USP19: variants seen among roughly 807,000 people sequenced by gnomAD.
USP19 encodes the protein ubiquitin carboxyl-terminal hydrolase 19.
A neutral mutation model predicts 144.8 loss-of-function variants in USP19; 40 were observed. The ratio of observed to expected loss-of-function variants is 0.28; its 90% CI spans 0.21 to 0.36. The LOEUF is 0.36. Among genes scored for constraint, USP19 ranks in the 10% least tolerant of loss-of-function variants. The pLI is 1.00. For missense variants in USP19, 1,518 were observed against 1,822.5 expected (o/e 0.83, Z 3.04); for synonymous variants, 701 against 709.3 (o/e 0.99, Z 0.19).
chr3:49,108,549 A>G lies in USP19; in HGVS notation c.4039-21T>C. ...AGTCCCTGCAACAGAATACGAGGACAGGGGTTGGGGGCTGCCCAGCATGCC... is the reference window on the plus strand; with the variant it reads ...AGTCCCTGCAACAGAATACGAGGACGGGGGTTGGGGGCTGCCCAGCATGCC... On this transcript the variant is annotated intron_variant, in intron 26 of 26. Coordinates refer to ENST00000417901, the MANE Select transcript of USP19 (RefSeq NM_001199161.2). This position sits in a 1 kb window ranked among gnomAD's most constrained non-coding sequence, Gnocchi z 4.8. The G allele has an allele frequency of 3.3e-6, 4 of 1,223,430 alleles. No homozygotes were observed. The highest frequency in any genetic ancestry group is 4.2e-6 in the Non-Finnish European group (4 of 956,592). 75.8% of individuals were successfully genotyped at this position (1,223,430 alleles called of 1,614,324 possible).
rs141849414 is a variant in USP19, at chr3:49,114,418, A to C, written c.2293-134T>G. On this transcript the variant is annotated intron_variant, in intron 15 of 26. Coordinates refer to ENST00000417901, the MANE Select transcript of USP19 (RefSeq NM_001199161.2). This position sits in a 1 kb window ranked among gnomAD's most constrained non-coding sequence, Gnocchi z 4.5. ...GCCAACCAGCAAACTCTCAGGCTTC[A>C]GGACACTAGACAGGGCAGGAGGACC... is the stretch of plus-strand genomic sequence containing the variant. 5.2e-4 allele frequency: 401 copies of C among 773,284 alleles called. 4 individuals carry two copies. In the East Asian group the frequency reaches 0.01, roughly 20 times the overall value. 47.9% of individuals were successfully genotyped at this position (773,284 alleles called of 1,614,324 possible). A position where few individuals can be genotyped will look rare whatever the true frequency, so the allele number is the denominator to read the frequency against.
chr3:49,115,862 G>C lies in USP19; in HGVS notation c.1554C>G (p.Pro518=), dbSNP rs1270696603. The change falls in exon 11 of 27, where the codon CCC becomes CCG. Residue 518 remains proline, a synonymous_variant. Transcript: ENST00000417901. The surrounding 1 kb of genome is among the most constrained non-coding windows in gnomAD (Gnocchi z 6.6). The part of the protein sequence containing the change: ...DSTPPGGAPH[P]LTGQEEARAV... Reference sequence around the variant, plus strand: ...CCCGGGCCTCCTCCTGGCCTGTCAGGGGGTGGGGAGCACCTCCTGGTGGGG... The same window carrying C: ...CCCGGGCCTCCTCCTGGCCTGTCAGCGGGTGGGGAGCACCTCCTGGTGGGG... 1.9e-6 allele frequency: 3 copies of C among 1,604,656 alleles called. No homozygotes were observed. The highest frequency in any genetic ancestry group is 1.7e-6 in the Non-Finnish European group (2 of 1,175,888).
In USP19 at chr3:49,110,091, C is replaced by A; in HGVS notation, c.4038+93G>T. 7.3e-7 allele frequency: 1 copy of A among 1,376,808 alleles called. No homozygotes were observed. Among genetic ancestry groups the A allele is most frequent in the Non-Finnish European group, 9.5e-7 (1 of 1,051,992 alleles). 85.3% of individuals were successfully genotyped at this position (1,376,808 alleles called of 1,614,324 possible). A position where few individuals can be genotyped will look rare whatever the true frequency, so the allele number is the denominator to read the frequency against. On this transcript the variant is annotated intron_variant, in intron 26 of 26. Transcript: ENST00000417901. The surrounding 1 kb of genome is among the most constrained non-coding windows in gnomAD (Gnocchi z 6.1). ...TCATGAATCCCAAGGCTCAATGGGC[C>A]TGTGGCTGGAGGAGAGGAAGCTATA...
chr3:49,110,124 AC>A lies in USP19; in HGVS notation c.4038+59del, dbSNP rs1226305131. On this transcript the variant is annotated intron_variant, in intron 26 of 26. Coordinates refer to ENST00000417901, the MANE Select transcript of USP19 (RefSeq NM_001199161.2). This position sits in a 1 kb window ranked among gnomAD's most constrained non-coding sequence, Gnocchi z 6.1. ...GGAGGAGAGGAAGCTATATCCCCCA[AC>A]CCGGCCCCAGTCTGTGAACTGTCCC... The A allele has an allele frequency of 2.8e-6, 4 of 1,450,052 alleles. No homozygotes were observed. Among genetic ancestry groups the A allele is most frequent in the Non-Finnish European group, 3.6e-6 (4 of 1,104,964 alleles). The allele number at this position is 1,450,052 out of a possible 1,614,324, so 89.8% of individuals were successfully genotyped here.
rs980349450 is a variant in USP19 at position 49,117,692 on chromosome 3, G to A, written c.437C>T (p.Ala146Val). 1 of 1,614,202 alleles carries A rather than the reference G, an allele frequency of 6.2e-7. No individual in the cohort carries two copies. Among genetic ancestry groups the A allele is most frequent in the South Asian group, 1.1e-5 (1 of 91,078 alleles). ...CACCACACAGTCTGTATCTGTGAAA[G>A]CAGCATCTACATCCTCCAGCTGCAG... ...GPLQLEDVDAAFTDTDCVVRF... is the reference protein window; with the variant it reads ...GPLQLEDVDAVFTDTDCVVRF... The change falls in exon 4 of 27, where the codon GCT (alanine) becomes GTT (valine). Residue 146 changes from alanine to valine, a missense_variant. Ala to Val is a moderately conservative substitution (Grantham distance 64). Around this residue, in one of 5 missense-constraint regions of USP19, gnomAD observed 707 missense variants for 728.9 expected, o/e 0.97. Coordinates refer to ENST00000417901, the MANE Select transcript of USP19 (RefSeq NM_001199161.2). This position sits in a 1 kb window ranked among gnomAD's most constrained non-coding sequence, Gnocchi z 4.4.
In USP19 at chr3:49,115,155, G is replaced by A; in HGVS notation, c.2023-38C>T. On this transcript the variant is annotated intron_variant, in intron 13 of 26. Transcript: ENST00000417901. The surrounding 1 kb of genome is among the most constrained non-coding windows in gnomAD (Gnocchi z 6.6). ...GCCAAGGTGTGAACATGAAGCCCTA[G>A]CACCCACTGCACACCCAGCTGGCTG... is the stretch of plus-strand genomic sequence containing the variant. 6.2e-7 allele frequency: 1 copy of A among 1,612,992 alleles called. No homozygotes were observed. Among genetic ancestry groups the A allele is most frequent in the Non-Finnish European group, 8.5e-7 (1 of 1,179,510 alleles).
chr3:49,111,672 C>G lies in USP19; in HGVS notation c.3045G>C (p.Glu1015Asp). The G allele has an allele frequency of 6.2e-7, 1 of 1,602,146 alleles. No homozygotes were observed. Among genetic ancestry groups the G allele is most frequent in the Non-Finnish European group, 8.5e-7 (1 of 1,173,292 alleles). ...DSERDPIQPP[E>D]LQLVTPMAEG... ...CAGCCATAGGGGTCACCAGCTGGAG[C>G]TCAGGTGGCTGAATGGGGTCTCTCT... Residue 1015 changes from glutamate to aspartate, a missense_variant, in exon 21 of 27, where the codon GAG (glutamate) becomes GAC (aspartate). This residue lies in a region of USP19 where 413 missense variants were observed against 515.8 expected (regional missense o/e 0.80). Transcript: ENST00000417901. This position sits in a 1 kb window ranked among gnomAD's most constrained non-coding sequence, Gnocchi z 5.9.
chr3:49,111,537 G>A lies in USP19; in HGVS notation c.3180C>T (p.Gly1060=), dbSNP rs1006669787. 2 of 1,612,228 alleles carry A rather than the reference G, an allele frequency of 1.2e-6. No individual in the cohort carries two copies. Among genetic ancestry groups the A allele is most frequent in the Non-Finnish European group, 1.7e-6 (2 of 1,180,030 alleles). The change falls in exon 21 of 27, where the codon GGC becomes GGT. Residue 1060 remains glycine (G), a synonymous_variant. Transcript: ENST00000417901. This position sits in a 1 kb window ranked among gnomAD's most constrained non-coding sequence, Gnocchi z 5.9. ...EMLASGPIEV[G]SLPAGERVSR... ...ACACCCTCTCGCCAGCTGGCAAGGA[G>A]CCAACCTCAATGGGCCCACTGGCCA... is the stretch of plus-strand genomic sequence containing the variant.
intron 1 of USP19, among the ~76,000 whole-genome samples, chr3:49,119,739 T>C (rs1575510908): frequency 6.6e-6 from 1 of 152,206 alleles, no homozygotes. Context: ...TCTGTGGCTG[T>C]AAACAGGCTC....
chr3:49,113,226 G>C (rs560043997), intron 17 of USP19, among the ~76,000 whole-genome samples: 89 of 152,290 alleles, frequency 5.8e-4, no homozygotes, highest in African/African-American at 2.0e-3. Flanking sequence ...ACAGCACATC[G>C]CCTGTTTTTG....
chr3:49,112,520 T>G lies in USP19; in HGVS notation c.2615A>C (p.Lys872Thr). Reference sequence around the variant, plus strand: ...CACCTCTAGCACCACTACCCGCTCCTTAGCCAACTCTGAGGATAGCAGCTC... The same window carrying G: ...CACCTCTAGCACCACTACCCGCTCCGTAGCCAACTCTGAGGATAGCAGCTC... ...CFELLSSELA[K>T]ERVVVLEVQQ... is the part of the protein sequence containing the mutation. The change falls in exon 18 of 27, where the codon AAG becomes ACG. Residue 872 changes from lysine to threonine, a missense_variant. Around this residue, in one of 5 missense-constraint regions of USP19, gnomAD observed 413 missense variants for 515.8 expected, o/e 0.80. Coordinates refer to ENST00000417901, the MANE Select transcript of USP19 (RefSeq NM_001199161.2). This position sits in a 1 kb window ranked among gnomAD's most constrained non-coding sequence, Gnocchi z 4.9. 6.2e-7 allele frequency: 1 copy of G among 1,613,992 alleles called. No individual in the cohort carries two copies.
In USP19 at chr3:49,115,994, G is replaced by A. The variant is rs201437573; in HGVS notation, c.1472-50C>T. ...TGGTGGTTAGCAGCATGTGACAGGG[G>A]TTTGGGTCCTGGTCACGTGGAACTG... On this transcript the variant is annotated intron_variant, in intron 10 of 26. Coordinates refer to ENST00000417901, the MANE Select transcript of USP19 (RefSeq NM_001199161.2). This position sits in a 1 kb window ranked among gnomAD's most constrained non-coding sequence, Gnocchi z 6.6. 78 of 1,570,660 alleles carry A rather than the reference G, an allele frequency of 5.0e-5. No individual in the cohort carries two copies. Among genetic ancestry groups the A allele is most frequent in the Non-Finnish European group, 6.5e-5 (76 of 1,161,404 alleles).
intron 17 of USP19, among the ~76,000 whole-genome samples, chr3:49,113,596 C>CTATT (rs1265353921): frequency 7.2e-6 from 1 of 138,334 alleles, no homozygotes; most frequent in East Asian, 2.2e-4. Flanking sequence ...ATTTTTTTAT[C>CTATT]TATTTATTTA....
chr3:49,116,290 C>T lies in USP19; in HGVS notation c.1345G>A (p.Val449Met), dbSNP rs2107494772. Residue 449 changes from valine to methionine, a missense_variant, in exon 9 of 27, where the codon GTG becomes ATG. Val to Met is a conservative substitution (Grantham distance 21, BLOSUM62 1). Coordinates refer to ENST00000417901, the MANE Select transcript of USP19 (RefSeq NM_001199161.2). The surrounding 1 kb of genome is among the most constrained non-coding windows in gnomAD (Gnocchi z 5.0). ...CCGGGCACCACCCACCTGAGCTTCACCTGCCAACGGAAGGTGGTGTGGGGC... is the reference window on the plus strand; with the variant it reads ...CCGGGCACCACCCACCTGAGCTTCATCTGCCAACGGAAGGTGGTGTGGGGC... Reference protein sequence around the residue: ...CGPHTTFRWQVKLRNLIEPEQ... With the variant: ...CGPHTTFRWQMKLRNLIEPEQ... 1.2e-6 allele frequency: 2 copies of T among 1,613,446 alleles called. No homozygotes were observed. Among genetic ancestry groups the T allele is most frequent in the Non-Finnish European group, 1.7e-6 (2 of 1,179,856 alleles).
Position 49,119,174 on chromosome 3 carries a change from GC to G in USP19, c.-30del. The G allele has an allele frequency of 6.2e-7, 1 of 1,602,074 alleles. No homozygotes were observed. On this transcript the variant is annotated 5_prime_UTR_variant, in exon 2 of 27. Transcript: ENST00000417901. The stretch of plus-strand genomic sequence containing the variant: ...GAGCCGCTTGGTCGACAGCCAGAGT[GC>G]CCCGGGGTCGGCAACAGCGTCTGGG...
chr3:49,108,388 TC>T lies in USP19; in HGVS notation c.*23del, dbSNP rs1217191878. 7.7e-5 allele frequency: 79 copies of T among 1,022,586 alleles called. No homozygotes were observed. Among genetic ancestry groups the T allele is most frequent in the South Asian group, 2.0e-4 (11 of 56,334 alleles). The allele number at this position is 1,022,586 out of a possible 1,614,324, so 63.3% of individuals were successfully genotyped here. A position where few individuals can be genotyped will look rare whatever the true frequency, so the allele number is the denominator to read the frequency against. On this transcript the variant is annotated 3_prime_UTR_variant, in exon 27 of 27. Transcript: ENST00000417901. The surrounding 1 kb of genome is among the most constrained non-coding windows in gnomAD (Gnocchi z 4.8). Reference sequence around the variant, plus strand: ...CTCTGTGTGGGTGTCCCAAACCCAGTCCCCCCCATCAGCCAGGGACCTGCTA... The same window carrying T: ...CTCTGTGTGGGTGTCCCAAACCCAGTCCCCCCATCAGCCAGGGACCTGCTA...
In USP19 at chr3:49,112,735, G is replaced by C. The variant is rs560810283; in HGVS notation, c.2506-106C>G. ...CCTGCCTTGGGTCTATGTGGGCAGT[G>C]GTGAGGTCTGTAGGCCCAAATAGGC... On this transcript the variant is annotated intron_variant, in intron 17 of 26. Transcript: ENST00000417901. This position sits in a 1 kb window ranked among gnomAD's most constrained non-coding sequence, Gnocchi z 4.9. 1.6e-3 allele frequency: 2,396 copies of C among 1,473,314 alleles called. 61 individuals carry two copies. The South Asian group carries it at 0.031, about 19-fold the overall frequency. The allele number at this position is 1,473,314 out of a possible 1,614,324, so 91.3% of individuals were successfully genotyped here.
Position 49,112,247 on chromosome 3 carries a change from GGAAA to G in USP19, c.2765+33_2765+36del, listed in dbSNP as rs749788698. 3.8e-6 allele frequency: 6 copies of G among 1,578,674 alleles called. No homozygotes were observed. The East Asian group carries it at 1.4e-4, about 37-fold the overall frequency. ...AGGAGCAGGGTGGCACATGGAAGGT[GGAAA>G]GAAAGGGTAGGGGAGACCATGGGGG... is the stretch of plus-strand genomic sequence containing the variant. On this transcript the variant is annotated intron_variant, in intron 19 of 26. Coordinates refer to ENST00000417901, the MANE Select transcript of USP19 (RefSeq NM_001199161.2). The surrounding 1 kb of genome is among the most constrained non-coding windows in gnomAD (Gnocchi z 4.9).
Position 49,108,357 on chromosome 3 carries a change from C to T in USP19, c.*55G>A. The stretch of plus-strand genomic sequence containing the variant: ...TTAGAGAAGGAGAAGCGGCAAGGAG[C>T]TGGCCCTCTGTGTGGGTGTCCCAAA... On this transcript the variant is annotated 3_prime_UTR_variant, in exon 27 of 27. Transcript: ENST00000417901. This position sits in a 1 kb window ranked among gnomAD's most constrained non-coding sequence, Gnocchi z 4.8. 1.6e-6 allele frequency: 1 copy of T among 618,714 alleles called. No homozygotes were observed. Among genetic ancestry groups the T allele is most frequent in the Admixed American group, 3.8e-5 (1 of 25,998 alleles). The allele number at this position is 618,714 out of a possible 1,614,324, so 38.3% of individuals were successfully genotyped here.
Sources: allele counts gnomAD v4.1 joint callset (sites outside exome capture counted in the v4.1 genomes callset), GRCh38; gene constraint gnomAD v4.1.1; regional missense constraint gnomAD v4.1.1; non-coding constraint Gnocchi (gnomAD v3.1); transcripts MANE v1.5; gene names NCBI Gene and HGNC (gene_info 2026-07-23, HGNC 2026-07-21).